The following PRH1 variants were observed in gnomAD, a reference collection of about 807,000 sequenced individuals.
The protein encoded by PRH1 is proline rich protein HaeIII subfamily 1.
Under a neutral mutation model 7.9 loss-of-function variants are expected in PRH1, and 7 were observed. The ratio of observed to expected loss-of-function variants is 0.89; its 90% confidence interval spans 0.50 to 1.67. The LOEUF (loss-of-function observed/expected upper bound fraction) is 1.67, where lower values mean the gene tolerates loss of function less well. Ranked by LOEUF, PRH1 falls within the 40% of genes most tolerant of loss-of-function variation. PRH1 has a pLI of 0.00. For missense variants in PRH1, 109 were observed against 223.6 expected, an observed-to-expected ratio of 0.49 and a Z score of 3.27; for synonymous variants, 45 against 80.8, an observed-to-expected ratio of 0.56 and a Z score of 2.38.
At chr12:10,954,344 G>A (rs1937844568) in intron 2 of PRH1, among the ~76,000 whole-genome samples, 1 of 152,114 alleles carries the variant, frequency 6.6e-6, no homozygotes, top group Non-Finnish European at 1.5e-5. Flanking sequence ...AAGACGCAAT[G>A]GTATAGTGTC....
chr12:11,169,782 C>T (rs556116322), intron 1 of PRH1, among the ~76,000 whole-genome samples: 11 of 152,226 alleles, frequency 7.2e-5, no homozygotes, highest in Admixed American at 7.2e-4. Flanking sequence ...GTCTCTATAC[C>T]AGTATTTTAG....
At chr12:11,011,695 T>G (rs1439431683) in intron 1 of PRH1, among the ~76,000 whole-genome samples, 1 of 152,144 alleles carries the variant, frequency 6.6e-6, no homozygotes, top group East Asian at 1.9e-4. Flanking sequence ...CAGATTTATG[T>G]AGACAGAATC....
intron 1 of PRH1, among the ~76,000 whole-genome samples, chr12:11,101,462 C>T (rs1945245402): frequency 1.3e-5 from 2 of 151,708 alleles, no homozygotes; most frequent in East Asian, 1.9e-4. Context: ...TGCACTCCAG[C>T]CTGGACAACA....
intron 2 of PRH1, among the ~76,000 whole-genome samples, chr12:10,966,660 T>G (rs1178639859): frequency 6.6e-6 from 1 of 151,654 alleles, no homozygotes; most frequent in Non-Finnish European, 1.5e-5. Context: ...CAATATGTAA[T>G]GTAGTGTTGG....
At chr12:10,979,809 G>T (rs1939269058) in intron 1 of PRH1, among the ~76,000 whole-genome samples, 2 of 152,176 alleles carry the variant, frequency 1.3e-5, no homozygotes, top group South Asian at 4.1e-4. Flanking sequence ...TATAAAATTT[G>T]CTGAGATGAG....
At chr12:10,888,782 C>T (rs1000114815), upstream of PRH1, among the ~76,000 whole-genome samples, 14 of 152,258 alleles carry the variant, frequency 9.2e-5, no homozygotes, top group African/African-American at 3.4e-4. Context: ...ATGTACATAG[C>T]TTATAATCTA....
intron 1 of PRH1, chr12:11,171,148 A>G (rs1160575407): frequency 5.1e-6 from 2 of 394,694 alleles, no homozygotes; most frequent in Non-Finnish European, 8.9e-6. Context: ...GGTAAATGCC[A>G]CAGTGAGAAG....
At chr12:10,956,910 A>G (rs1182897174) in intron 2 of PRH1, among the ~76,000 whole-genome samples, 2 of 152,134 alleles carry the variant, frequency 1.3e-5, no homozygotes, top group Admixed American at 1.3e-4. Context: ...ATTAAATCCA[A>G]TAAGACATGG....
At chr12:10,937,891 T>C (rs1950315897) in intron 2 of PRH1, 1 of 168,162 alleles carries the variant, frequency 5.9e-6, no homozygotes, top group Non-Finnish European at 1.3e-5. Context: ...ATGTACTTTA[T>C]CTACCAGATT....
intron 2 of PRH1, among the ~76,000 whole-genome samples, chr12:10,918,461 T>A (rs1484856076): frequency 6.6e-6 from 1 of 152,186 alleles, no homozygotes. Context: ...TATTCTTTTA[T>A]AGCAACATAA....
In PRH1 at chr12:11,068,160, C is replaced by A. The variant is rs1428355827; in HGVS notation, n.124-20972G>T. Among the ~76,000 whole-genome samples, 3 of 152,118 alleles carry A rather than the reference C, an allele frequency of 2.0e-5. No individual in the cohort carries two copies. In the East Asian group the frequency reaches 5.8e-4, roughly 29 times the overall value. ...TCAGAAAATAGAATTTGCCAGTAAT[C>A]CAGACACTCCCAATATATGTCTTCT... On this transcript the variant is annotated intron_variant and non_coding_transcript_variant, in intron 1 of 4. Transcript: ENST00000541977.
chr12:10,890,263 G>A (rs374253933), intron 2 of PRH1, among the ~76,000 whole-genome samples: 2 of 152,036 alleles, frequency 1.3e-5, no homozygotes, highest in South Asian at 2.1e-4. Flanking sequence ...AATCTCTCTG[G>A]CACTTATGAG....
At chr12:11,136,815 G>T (rs1305875251) in intron 1 of PRH1, among the ~76,000 whole-genome samples, 1 of 152,088 alleles carries the variant, frequency 6.6e-6, no homozygotes, top group Admixed American at 6.6e-5. Flanking sequence ...GCACCCAGGA[G>T]TTCAAGACCA....
At chr12:10,982,085 C>G (rs1352489378) in intron 1 of PRH1, among the ~76,000 whole-genome samples, 1 of 152,034 alleles carries the variant, frequency 6.6e-6, no homozygotes, top group Non-Finnish European at 1.5e-5. Flanking sequence ...CGTAGTTACC[C>G]CTTCCTGAAA....
At chr12:11,157,917 G>C (rs1947302976) in intron 1 of PRH1, among the ~76,000 whole-genome samples, 1 of 152,176 alleles carries the variant, frequency 6.6e-6, no homozygotes. Context: ...CTGAATGGAA[G>C]AGTTCATTTT....
rs541874076 is a variant in PRH1, at chr12:11,084,440, G to A, written n.124-37252C>T. On this transcript the variant is annotated intron_variant and non_coding_transcript_variant, in intron 1 of 4. Coordinates refer to the PRH1 transcript ENST00000541977. ...TTAAAACTCAGTGATATGCATGTGTGTCTATATGTATTCTGATAAGGATAC... is the reference window on the plus strand; with the variant it reads ...TTAAAACTCAGTGATATGCATGTGTATCTATATGTATTCTGATAAGGATAC... 1.2e-4 allele frequency among the ~76,000 whole-genome samples: 15 copies of A among 120,806 alleles called. No homozygotes were observed. In the East Asian group the frequency reaches 3.2e-3, roughly 26 times the overall value. The allele number at this position is 120,806 out of a possible 152,430, so 79.3% of individuals were successfully genotyped here. A position where few individuals can be genotyped will look rare whatever the true frequency, so the allele number is the denominator to read the frequency against.
At chr12:10,957,607 A>C (rs193064979) in intron 2 of PRH1, among the ~76,000 whole-genome samples, 4 of 152,344 alleles carry the variant, frequency 2.6e-5, no homozygotes, top group African/African-American at 7.2e-5. Flanking sequence ...CAAGAAAAGA[A>C]ACTATCAACA....
chr12:11,119,093 T>G (rs1397418603), downstream of PRH1, among the ~76,000 whole-genome samples: 2 of 152,006 alleles, frequency 1.3e-5, no homozygotes, highest in South Asian at 2.1e-4. Flanking sequence ...TCCTGTCATT[T>G]GCAGCAATAC....
intron 1 of PRH1, among the ~76,000 whole-genome samples, chr12:11,057,708 C>T (rs1943423580): frequency 6.6e-6 from 1 of 152,192 alleles, no homozygotes; most frequent in African/African-American, 2.4e-5. Flanking sequence ...CTTCAATCAA[C>T]ACTCACAAAT....
Sources: allele counts gnomAD v4.1 joint callset (sites outside exome capture counted in the v4.1 genomes callset), GRCh38; gene constraint gnomAD v4.1.1; transcripts MANE v1.5; gene names NCBI Gene and HGNC (gene_info 2026-07-23, HGNC 2026-07-21).